PCSK5: variants seen among roughly 807,000 people sequenced by gnomAD.
PCSK5 encodes the protein proprotein convertase subtilisin/kexin type 5.
Under a neutral mutation model 233.2 loss-of-function variants are expected in PCSK5, and 129 were observed. That is an observed-to-expected ratio of 0.55 (90% CI 0.48 to 0.64). PCSK5 has a LOEUF of 0.64. PCSK5 is among the 30% of genes least tolerant of loss of function. The probability of loss-of-function intolerance (pLI) is 0.00; values close to 1 mark genes in which losing one functional copy is unlikely to be tolerated. For synonymous variants in PCSK5, 825 were observed against 879.2 expected (o/e 0.94, Z 1.09); for missense variants, 2,076 against 2,430.1 (o/e 0.85, Z 3.06).
intron 24 of PCSK5, among the ~76,000 whole-genome samples, chr9:76,276,245 AAAT>A (rs1827684995): frequency 6.6e-6 from 1 of 152,180 alleles, no homozygotes; most frequent in African/African-American, 2.4e-5. Context: ...AAATAAAATA[AAAT>A]AAAAGTTTCT....
intron 5 of PCSK5, among the ~76,000 whole-genome samples, chr9:76,064,074 A>G (rs1408022623): frequency 2.9e-5 from 3 of 105,132 alleles, no homozygotes; most frequent in African/African-American, 4.7e-5. Context: ...ACTTCCCAGT[A>G]GGGGCAGCTG....
chr9:76,177,327 TA>T (rs1178312120), intron 14 of PCSK5, among the ~76,000 whole-genome samples: 1 of 152,114 alleles, frequency 6.6e-6, no homozygotes, highest in Non-Finnish European at 1.5e-5. Context: ...AAAAGAACTA[TA>T]AATACAAGTT....
chr9:76,241,734 G>A (rs1056491955), intron 24 of PCSK5, among the ~76,000 whole-genome samples: 13 of 152,130 alleles, frequency 8.5e-5, no homozygotes, highest in Non-Finnish European at 1.8e-4. Context: ...CTTAATGTAC[G>A]TTTAGGCAAC....
At chr9:76,204,173 T>G (rs1825022025) in intron 20 of PCSK5, among the ~76,000 whole-genome samples, 1 of 152,162 alleles carries the variant, frequency 6.6e-6, no homozygotes, top group African/African-American at 2.4e-5. Flanking sequence ...CCTCTTGAGT[T>G]TCTCTTGAAT....
Position 76,108,525 on chromosome 9 carries a change from C to T in PCSK5, c.1208+1174C>T, listed in dbSNP as rs12337467. Among the ~76,000 whole-genome samples the T allele has an allele frequency of 4.2e-3, 634 of 152,268 alleles. 6 individuals are homozygous for T. The highest frequency in any genetic ancestry group is 0.015 in the African/African-American group (604 of 41,558). On this transcript the variant is annotated intron_variant, in intron 9 of 37. Coordinates refer to ENST00000674117, the MANE Select transcript of PCSK5 (RefSeq NM_001372043.1). ...ATCCCAGCACTTTGGGAGGCCAAGG[C>T]GGGTGGATCACGAGGTCAAGAGATC...
Position 76,202,789 on chromosome 9 carries a change from A to G in PCSK5, c.2626+13043A>G, listed in dbSNP as rs565082915. On this transcript the variant is annotated intron_variant, in intron 20 of 37. Transcript: ENST00000674117. ...GAAGCCTCTACATTTCTTTTATATT[A>G]ATTTTATGATAAATATCTAGTTACT... Among the ~76,000 whole-genome samples, 140 of 152,216 alleles carry G rather than the reference A, an allele frequency of 9.2e-4. 2 individuals carry two copies. The highest frequency in any genetic ancestry group is 7.1e-3 in the East Asian group (37 of 5,178).
intron 24 of PCSK5, among the ~76,000 whole-genome samples, chr9:76,249,710 G>A (rs73462405): frequency 0.076 from 11,553 of 152,148 alleles, 452 homozygotes; most frequent in South Asian, 0.085. Context: ...GATAGAAAGG[G>A]GTATAGCTCA....
chr9:75,926,697 G>A (rs114094624), intron 1 of PCSK5, among the ~76,000 whole-genome samples: 144 of 152,262 alleles, frequency 9.5e-4, no homozygotes, highest in African/African-American at 3.2e-3. Context: ...CATATGGTAT[G>A]CACGTTTTTG....
intron 7 of PCSK5, among the ~76,000 whole-genome samples, chr9:76,093,696 A>G (rs111592504): frequency 1.3e-5 from 2 of 152,088 alleles, no homozygotes; most frequent in African/African-American, 4.8e-5. Flanking sequence ...GCACAATCCC[A>G]TATATTCTAT....
chr9:76,168,643 A>G (rs2131840137), intron 12 of PCSK5, among the ~76,000 whole-genome samples: 1 of 152,324 alleles, frequency 6.6e-6, no homozygotes, highest in East Asian at 1.9e-4. Context: ...AAGGACTGAA[A>G]GAGCAGGATC....
intron 27 of PCSK5, among the ~76,000 whole-genome samples, chr9:76,301,269 CAA>C (rs35450863): frequency 7.0e-5 from 9 of 129,046 alleles, no homozygotes; most frequent in Non-Finnish European, 8.1e-5. Flanking sequence ...GCGACTCTCT[CAA>C]AAAAAAAAAA....
intron 24 of PCSK5, among the ~76,000 whole-genome samples, chr9:76,285,557 G>C (rs1005435984): frequency 6.6e-6 from 1 of 152,114 alleles, no homozygotes; most frequent in African/African-American, 2.4e-5. Context: ...AAGTGGTAGG[G>C]GGGGAGTCTG....
intron 3 of PCSK5, among the ~76,000 whole-genome samples, chr9:76,011,040 C>G (rs1344498847): frequency 6.6e-6 from 1 of 152,196 alleles, no homozygotes; most frequent in Non-Finnish European, 1.5e-5. Context: ...TTATTTTTCT[C>G]TAACAAGAAA....
chr9:76,016,349 G>T (rs1299962889), intron 3 of PCSK5, among the ~76,000 whole-genome samples: 1 of 152,238 alleles, frequency 6.6e-6, no homozygotes, highest in Non-Finnish European at 1.5e-5. Flanking sequence ...AATAGGGACA[G>T]TGTCATGGCC....
intron 12 of PCSK5, among the ~76,000 whole-genome samples, chr9:76,164,473 CACTT>C (rs1250482756): frequency 5.9e-5 from 9 of 152,182 alleles, no homozygotes; most frequent in African/African-American, 2.2e-4. Context: ...GCATAGTAAG[CACTT>C]AATAAGTGGT....
At chr9:76,053,780 C>T (rs1829721058) in intron 5 of PCSK5, among the ~76,000 whole-genome samples, 1 of 152,150 alleles carries the variant, frequency 6.6e-6, no homozygotes, top group Non-Finnish European at 1.5e-5. Context: ...TTCCTGTCTT[C>T]TGAGCCCTCC....
In PCSK5 at chr9:76,358,783, A is replaced by G. The variant is rs778671827; in HGVS notation, c.5525A>G (p.Tyr1842Cys). Reference protein sequence around the residue: ...DQVIEYRDRDYDEDDDDDIVY... With the variant: ...DQVIEYRDRDCDEDDDDDIVY... ...GTGATTGAGTACAGGGATCGGGACT[A>G]TGATGAGGATGATGATGATGACATC... The change falls in exon 38 of 38, where the codon TAT becomes TGT. Residue 1842 changes from tyrosine to cysteine, a missense_variant. By Grantham distance (194) the Tyr-to-Cys change is radical. Coordinates refer to ENST00000674117, the MANE Select transcript of PCSK5 (RefSeq NM_001372043.1). 4.3e-6 allele frequency: 7 copies of G among 1,612,940 alleles called. No homozygotes were observed. The highest frequency in any genetic ancestry group is 1.7e-5 in the Admixed American group (1 of 60,024).
intron 32 of PCSK5, among the ~76,000 whole-genome samples, chr9:76,326,024 T>G (rs2131468705): frequency 6.6e-6 from 1 of 152,112 alleles, no homozygotes; most frequent in African/African-American, 2.4e-5. Context: ...AGAGAGATAA[T>G]ACAAAGAACC....
chr9:76,281,890 C>G (rs1226146667), intron 24 of PCSK5, among the ~76,000 whole-genome samples: 1 of 151,926 alleles, frequency 6.6e-6, no homozygotes, highest in East Asian at 1.9e-4. Flanking sequence ...CTCAACTAAT[C>G]CAATCACCTC....
Sources: gnomAD v4.1 joint callset for allele counts (sites outside exome capture counted in the v4.1 genomes callset) on GRCh38, gnomAD v4.1.1 for gene constraint, MANE v1.5 for transcripts, NCBI Gene and HGNC (gene_info 2026-07-23, HGNC 2026-07-21) for gene names.